RBFOX1: variants seen among roughly 807,000 people sequenced by gnomAD.
RBFOX1 encodes the protein RNA binding fox-1 homolog 1.
In RBFOX1, 8 loss-of-function variants were observed where a neutral mutation model predicts 57.7. That is an observed-to-expected ratio of 0.14 (90% CI 0.08 to 0.25). RBFOX1 has a LOEUF of 0.25. RBFOX1 is among the 10% of genes least tolerant of loss of function. RBFOX1 has a pLI of 1.00. For missense variants in RBFOX1, 611 were observed against 548.5 expected (o/e 1.11, Z -1.14); for synonymous variants, 326 against 222.4 (o/e 1.47, Z -4.15).
intron 3 of RBFOX1, among the ~76,000 whole-genome samples, chr16:6,943,553 A>C (rs1301842849): frequency 6.6e-6 from 1 of 151,938 alleles, no homozygotes; most frequent in Non-Finnish European, 1.5e-5. Flanking sequence ...CTAAAAATAC[A>C]AAAAATTAGC....
chr16:6,170,784 C>G (rs2096954470), intron 1 of RBFOX1, among the ~76,000 whole-genome samples: 1 of 152,108 alleles, frequency 6.6e-6, no homozygotes, highest in African/African-American at 2.4e-5. Flanking sequence ...TCTCTTGTTT[C>G]CTTATCTGTG....
At chr16:5,532,221 C>T (rs535242723) in intron 2 of RBFOX1, among the ~76,000 whole-genome samples, 1 of 152,196 alleles carries the variant, frequency 6.6e-6, no homozygotes, top group African/African-American at 2.4e-5. Flanking sequence ...TTGAGCAGCA[C>T]CCAGGGCCTC....
intron 3 of RBFOX1, among the ~76,000 whole-genome samples, chr16:5,740,422 G>C (rs930001149): frequency 6.6e-6 from 1 of 152,216 alleles, no homozygotes; most frequent in Admixed American, 6.5e-5. Context: ...ATGAAGACTT[G>C]CATATTGGAC....
intron 4 of RBFOX1, among the ~76,000 whole-genome samples, chr16:7,469,618 A>G (rs909703708): frequency 1.3e-5 from 2 of 152,196 alleles, no homozygotes; most frequent in East Asian, 1.9e-4. Context: ...CCATGCACCC[A>G]CACTCCGTTT....
chr16:7,572,765 G>A (rs900392279), intron 5 of RBFOX1, among the ~76,000 whole-genome samples: 4 of 152,056 alleles, frequency 2.6e-5, no homozygotes, highest in Non-Finnish European at 5.9e-5. Flanking sequence ...CGTGAACCCA[G>A]GAGGCAGAGC....
intron 3 of RBFOX1, among the ~76,000 whole-genome samples, chr16:6,864,481 C>G (rs1043180328): frequency 2.0e-5 from 3 of 151,536 alleles, no homozygotes; most frequent in Admixed American, 6.6e-5. Context: ...ATGACATAAT[C>G]TCAAATTAAC....
intron 4 of RBFOX1, among the ~76,000 whole-genome samples, chr16:7,170,831 G>T (rs2080546647): frequency 6.6e-6 from 1 of 152,158 alleles, no homozygotes; most frequent in Non-Finnish European, 1.5e-5. Flanking sequence ...AAATCCAGGA[G>T]ATCCCTTGCC....
chr16:6,042,445 C>T (rs185435772), intron 1 of RBFOX1, among the ~76,000 whole-genome samples: 14 of 152,256 alleles, frequency 9.2e-5, no homozygotes, highest in Non-Finnish European at 1.3e-4. Flanking sequence ...CTGGACCTAT[C>T]CAGATAGTTC....
At chr16:6,780,279 ATT>A (rs1248586591) in intron 3 of RBFOX1, among the ~76,000 whole-genome samples, 1 of 65,882 alleles carries the variant, frequency 1.5e-5, no homozygotes, top group Non-Finnish European at 2.3e-5. Flanking sequence ...ACATATATAT[ATT>A]TATACATATA....
intron 4 of RBFOX1, among the ~76,000 whole-genome samples, chr16:7,285,930 G>C (rs1568035956): frequency 6.6e-6 from 1 of 152,176 alleles, no homozygotes; most frequent in African/African-American, 2.4e-5. Context: ...TGATTTTTAA[G>C]AGAAACTGAT....
intron 3 of RBFOX1, among the ~76,000 whole-genome samples, chr16:5,820,749 C>T (rs1394106888): frequency 6.6e-6 from 1 of 152,154 alleles, no homozygotes; most frequent in African/African-American, 2.4e-5. Context: ...CCGTCTGTCT[C>T]CTGTGCTCTC....
At chr16:6,378,650 T>C (rs946256745) in intron 2 of RBFOX1, among the ~76,000 whole-genome samples, 2 of 152,144 alleles carry the variant, frequency 1.3e-5, no homozygotes, top group Non-Finnish European at 2.9e-5. Context: ...TCTTCCCCAT[T>C]GGTCATCCCA....
intron 14 of RBFOX1, among the ~76,000 whole-genome samples, chr16:7,688,821 A>G (rs2076701344): frequency 3.9e-5 from 6 of 152,098 alleles, no homozygotes; most frequent in Admixed American, 3.9e-4. Flanking sequence ...TATGTTTTTA[A>G]TTCTTTCTCT....
At chr16:7,204,528 C>T (rs1483625188) in intron 4 of RBFOX1, among the ~76,000 whole-genome samples, 2 of 152,080 alleles carry the variant, frequency 1.3e-5, no homozygotes, top group Non-Finnish European at 1.5e-5. Context: ...CACCTGTAGT[C>T]CCAGTTACGC....
intron 4 of RBFOX1, among the ~76,000 whole-genome samples, chr16:7,150,792 A>G (rs2075963788): frequency 6.6e-6 from 1 of 152,232 alleles, no homozygotes; most frequent in Non-Finnish European, 1.5e-5. Flanking sequence ...TGGGTTATTA[A>G]TAATTTACTC....
intron 1 of RBFOX1, among the ~76,000 whole-genome samples, chr16:5,297,856 T>G (rs988975015): frequency 1.3e-5 from 2 of 152,212 alleles, no homozygotes; most frequent in African/African-American, 4.8e-5. Flanking sequence ...TTATTCCCTT[T>G]TAAATTCTCT....
intron 1 of RBFOX1, among the ~76,000 whole-genome samples, chr16:6,278,098 T>A (rs2076014589): frequency 6.6e-6 from 1 of 152,152 alleles, no homozygotes; most frequent in African/African-American, 2.4e-5. Context: ...TTATGCCATA[T>A]AAATGGGGCA....
chr16:6,278,437 T>C (rs1313250579), intron 1 of RBFOX1, among the ~76,000 whole-genome samples: 1 of 133,358 alleles, frequency 7.5e-6, no homozygotes, highest in Admixed American at 8.1e-5. Flanking sequence ...AAGAAGAGTA[T>C]TACCTAATCG....
chr16:7,351,165 G>C (rs1174720988), intron 4 of RBFOX1, among the ~76,000 whole-genome samples: 1 of 152,216 alleles, frequency 6.6e-6, no homozygotes, highest in Admixed American at 6.5e-5. Context: ...CAACTTGGGA[G>C]TTTGGATTCA....
Sources: gnomAD v4.1 joint callset for allele counts (sites outside exome capture counted in the v4.1 genomes callset) on GRCh38, gnomAD v4.1.1 for gene constraint, MANE v1.5 for transcripts, NCBI Gene and HGNC (gene_info 2026-07-23, HGNC 2026-07-21) for gene names.